Variants in PLCZ1 observed in about 807,000 individuals in gnomAD.
PLCZ1 encodes the protein 1-phosphatidylinositol 4,5-bisphosphate phosphodiesterase zeta-1.
A neutral mutation model predicts 76.8 loss-of-function variants in PLCZ1; 64 were observed. That is an observed-to-expected ratio of 0.83 (90% CI 0.68 to 1.03). The LOEUF (loss-of-function observed/expected upper bound fraction) is 1.03, where lower values mean the gene tolerates loss of function less well. PLCZ1 is among the 50% of genes least tolerant of loss of function. The pLI is 0.00. For synonymous variants in PLCZ1, 248 were observed against 230.8 expected (o/e 1.07, Z -0.68); for missense variants, 751 against 713.7 (o/e 1.05, Z -0.60).
chr12:18,655,011 T>C, the PLCZ1 span, among the ~76,000 whole-genome samples: 1 of 151,456 alleles, frequency 6.6e-6, no homozygotes, highest in East Asian at 2.0e-4. Context: ...TAAAAAGTTA[T>C]AAACCCAGCC....
At chr12:18,703,366 T>A (rs1204636814) in intron 7 of PLCZ1, among the ~76,000 whole-genome samples, 2 of 152,198 alleles carry the variant, frequency 1.3e-5, no homozygotes, top group Admixed American at 1.3e-4. Flanking sequence ...TTAAATAAAA[T>A]GTTAAAAGAA....
the PLCZ1 span, among the ~76,000 whole-genome samples, chr12:18,653,865 C>T: frequency 3.3e-5 from 5 of 152,116 alleles, no homozygotes; most frequent in South Asian, 1.0e-3. Flanking sequence ...GGCTGAGGTT[C>T]AGAAATAAGT....
chr12:18,724,145 C>T lies in PLCZ1; in HGVS notation c.136-603G>A, dbSNP rs979615571. Among the ~76,000 whole-genome samples the T allele has an allele frequency of 4.6e-5, 7 of 152,072 alleles. No homozygotes were observed. In the South Asian group the frequency reaches 1.2e-3, roughly 27 times the overall value. ...GAGTTTCTGAATAGGAAAATCAATACCAAAAATAGAAGATTGGTTTGATTA... is the reference window on the plus strand; with the variant it reads ...GAGTTTCTGAATAGGAAAATCAATATCAAAAATAGAAGATTGGTTTGATTA... On this transcript the variant is annotated intron_variant, in intron 3 of 14. Transcript: ENST00000266505.
intron 6 of PLCZ1, among the ~76,000 whole-genome samples, chr12:18,711,355 A>G (rs1257645186): frequency 8.7e-6 from 1 of 114,858 alleles, no homozygotes; most frequent in African/African-American, 3.5e-5. Context: ...GGACACAGGA[A>G]GGGGAACATC....
At chr12:18,661,230 A>T in the PLCZ1 span, among the ~76,000 whole-genome samples, 1 of 152,176 alleles carries the variant, frequency 6.6e-6, no homozygotes, top group Non-Finnish European at 1.5e-5. Flanking sequence ...CAAAGGGATT[A>T]TTTGAAGAAA....
intron 6 of PLCZ1, among the ~76,000 whole-genome samples, chr12:18,710,204 C>T (rs1378434893): frequency 4.0e-5 from 6 of 148,710 alleles, no homozygotes; most frequent in Non-Finnish European, 7.4e-5. Context: ...TTTTTGGAAT[C>T]TTAGAAGCTG....
chr12:18,718,919 T>C (rs541112876), intron 5 of PLCZ1, among the ~76,000 whole-genome samples: 2 of 152,310 alleles, frequency 1.3e-5, no homozygotes, highest in Admixed American at 1.3e-4. Flanking sequence ...AAATCAGCAA[T>C]GCAATGTGGA....
rs748726313 is a variant in PLCZ1, at chr12:18,684,297, A to T, written c.1592-18T>A. On this transcript the variant is annotated intron_variant, in intron 13 of 14. Coordinates refer to ENST00000266505, the MANE Select transcript of PLCZ1 (RefSeq NM_033123.4). ...ACTAAAAGCTGAAATATAAAAAAAGAAGATACAAAGAATAATAGATACCAT... is the reference window on the plus strand; with the variant it reads ...ACTAAAAGCTGAAATATAAAAAAAGTAGATACAAAGAATAATAGATACCAT... 1.3e-6 allele frequency: 2 copies of T among 1,586,504 alleles called. No homozygotes were observed. The highest frequency in any genetic ancestry group is 2.2e-5 in the South Asian group (2 of 90,314).
chr12:18,697,702 A>G (rs11830339), intron 10 of PLCZ1, among the ~76,000 whole-genome samples: 46,263 of 151,700 alleles, frequency 0.3, 7,793 homozygotes, highest in East Asian at 0.47. Context: ...TATAATTTTT[A>G]GTTGAATGAT....
Position 18,700,498 on chromosome 12 carries a change from T to A in PLCZ1, c.1018-548A>T, listed in dbSNP as rs1483588220. 5.8e-5 allele frequency among the ~76,000 whole-genome samples: 5 copies of A among 86,238 alleles called. No homozygotes were observed. In the Admixed American group the frequency reaches 1.0e-3, roughly 18 times the overall value. The allele number at this position is 86,238 out of a possible 152,430, so 56.6% of individuals were successfully genotyped here. On this transcript the variant is annotated intron_variant, in intron 9 of 14. Transcript: ENST00000266505. ...GTTCTGGGATGTGCGCATAACCAGA[T>A]CAGAGCCAACGTACAAAAAAAAAAA... is the stretch of plus-strand genomic sequence containing the variant.
intron 4 of PLCZ1, among the ~76,000 whole-genome samples, chr12:18,721,988 C>T (rs1958470858): frequency 6.6e-6 from 1 of 151,948 alleles, no homozygotes; most frequent in East Asian, 1.9e-4. Flanking sequence ...CCAAACTCAT[C>T]TCTCTCTCAT....
At chr12:18,680,007 C>G (rs1952266768), downstream of PLCZ1, among the ~76,000 whole-genome samples, 1 of 151,946 alleles carries the variant, frequency 6.6e-6, no homozygotes, top group South Asian at 2.1e-4. Flanking sequence ...ATAGAATGCT[C>G]AAATTTTATG....
chr12:18,680,227 G>A (rs1952289292), downstream of PLCZ1, among the ~76,000 whole-genome samples: 1 of 151,894 alleles, frequency 6.6e-6, no homozygotes, highest in Non-Finnish European at 1.5e-5. Flanking sequence ...CACTCAAAAG[G>A]GATTCCATTC....
intron 6 of PLCZ1, among the ~76,000 whole-genome samples, chr12:18,709,731 C>T: frequency 6.6e-6 from 1 of 152,034 alleles, no homozygotes. Context: ...AAAAAAAACC[C>T]TGTGTATTGC....
intron 9 of PLCZ1, among the ~76,000 whole-genome samples, chr12:18,701,128 G>C (rs983101797): frequency 2.0e-5 from 3 of 151,940 alleles, no homozygotes; most frequent in African/African-American, 7.3e-5. Context: ...GGAACTACAG[G>C]CATGCGTCAC....
At chr12:18,667,155 T>G in the PLCZ1 span, among the ~76,000 whole-genome samples, 2 of 152,096 alleles carry the variant, frequency 1.3e-5, no homozygotes, top group Non-Finnish European at 2.9e-5. Context: ...TCAAATAAGG[T>G]CTCATGATGA....
downstream of PLCZ1, among the ~76,000 whole-genome samples, chr12:18,682,480 A>G (rs1457781949): frequency 6.6e-6 from 1 of 152,056 alleles, no homozygotes; most frequent in Non-Finnish European, 1.5e-5. Flanking sequence ...ATGACATTTA[A>G]TAAAGCAAAG....
At chr12:18,650,052 A>G in the PLCZ1 span, among the ~76,000 whole-genome samples, 1 of 152,008 alleles carries the variant, frequency 6.6e-6, no homozygotes, top group Non-Finnish European at 1.5e-5. Context: ...TCCCAGTTTT[A>G]TAACTCCAGC....
the PLCZ1 span, among the ~76,000 whole-genome samples, chr12:18,676,903 T>G: frequency 6.6e-6 from 1 of 152,166 alleles, no homozygotes; most frequent in Non-Finnish European, 1.5e-5. Flanking sequence ...ATTCCTCATT[T>G]TTTAAAACTT....
Sources: gnomAD v4.1 joint callset for allele counts (sites outside exome capture counted in the v4.1 genomes callset) on GRCh38, gnomAD v4.1.1 for gene constraint, MANE v1.5 for transcripts, NCBI Gene and HGNC (gene_info 2026-07-23, HGNC 2026-07-21) for gene names.